The following OPRL1 variants were observed in gnomAD, a reference collection of about 807,000 sequenced individuals.
OPRL1 encodes opioid related nociceptin receptor 1, also known as nociceptin receptor.
A neutral mutation model predicts 15.5 loss-of-function variants in OPRL1; 5 were observed. That is an observed-to-expected ratio of 0.32 (90% CI 0.17 to 0.68). The LOEUF (loss-of-function observed/expected upper bound fraction) is 0.68. Among genes scored for constraint, OPRL1 ranks in the 30% least tolerant of loss-of-function variants. The probability of loss-of-function intolerance (pLI) is 0.72; values close to 1 mark genes in which losing one functional copy is unlikely to be tolerated. For missense variants in OPRL1, 406 were observed against 515.3 expected (o/e 0.79, Z 2.05); for synonymous variants, 223 against 230.2 (o/e 0.97, Z 0.28).
intron 1 of OPRL1, among the ~76,000 whole-genome samples, chr20:64,082,393 G>A (rs1301285061): frequency 1.3e-5 from 2 of 152,212 alleles, no homozygotes; most frequent in Non-Finnish European, 2.9e-5. Flanking sequence ...AAAGTGCTCG[G>A]TGCACGGGGA....
At position 64,083,769 on chromosome 20, in the gene OPRL1, C is replaced by T. The variant is rs955239986; in HGVS notation, c.-185+3417C>T. 2 of 1,334,254 alleles carry T rather than the reference C, an allele frequency of 1.5e-6. No individual in the cohort carries two copies. The highest frequency in any genetic ancestry group is 1.9e-6 in the Non-Finnish European group (2 of 1,048,342). 82.7% of individuals were successfully genotyped at this position (1,334,254 alleles called of 1,614,324 possible). Reference sequence around the variant, plus strand: ...CCCCGCCCCGCCCCGGCCGGCTCCGCTCAACGCTCCCGGTGCGCCCCCTCT... The same window carrying T: ...CCCCGCCCCGCCCCGGCCGGCTCCGTTCAACGCTCCCGGTGCGCCCCCTCT... On this transcript the variant is annotated intron_variant, in intron 1 of 4. Transcript: ENST00000336866. This position sits in a 1 kb window ranked among gnomAD's most constrained non-coding sequence, Gnocchi z 4.9.
intron 2 of OPRL1, among the ~76,000 whole-genome samples, 170 bp from the exon 3 acceptor site, chr20:64,092,518 C>T (rs1052549102): frequency 1.3e-5 from 2 of 152,172 alleles, no homozygotes; most frequent in Non-Finnish European, 2.9e-5. Context: ...TGTGTCCCTG[C>T]ATGTGCATGT....
intron 1 of OPRL1, among the ~76,000 whole-genome samples, chr20:64,081,097 T>G (rs2059961921): frequency 1.6e-5 from 1 of 63,342 alleles, no homozygotes. Context: ...GGGGGAGGGC[T>G]GAGGAGGGGA....
At chr20:64,087,714 CAT>C (rs1043042258) in intron 1 of OPRL1, among the ~76,000 whole-genome samples, 5 of 152,276 alleles carry the variant, frequency 3.3e-5, no homozygotes, top group African/African-American at 4.8e-5. Flanking sequence ...CTGCCCAGAA[CAT>C]GTGTGTTTGA....
intron 1 of OPRL1, chr20:64,085,128 G>C (rs1176770983): frequency 6.6e-6 from 1 of 152,316 alleles, no homozygotes; most frequent in Non-Finnish European, 1.5e-5. Flanking sequence ...TAGAGGCATA[G>C]AGCCGGCTTC....
intron 3 of OPRL1, among the ~76,000 whole-genome samples, chr20:64,093,412 C>A (rs573061304): frequency 1.5e-4 from 21 of 136,042 alleles, no homozygotes; most frequent in African/African-American, 5.5e-4. Flanking sequence ...TGGCTGAGCC[C>A]ATGATCTGTT....
At chr20:64,087,613 C>G (rs577019430) in intron 1 of OPRL1, among the ~76,000 whole-genome samples, 4 of 139,660 alleles carry the variant, frequency 2.9e-5, no homozygotes, top group African/African-American at 1.1e-4. Context: ...TGGGCTATCC[C>G]TAGTATCCTC....
Position 64,081,510 on chromosome 20 carries a change from T to C in OPRL1, c.-185+1158T>C, listed in dbSNP as rs1298182918. Among the ~76,000 whole-genome samples the C allele has an allele frequency of 2.0e-5, 3 of 152,196 alleles. No homozygotes were observed. The East Asian group carries it at 5.8e-4, about 29-fold the overall frequency. On this transcript the variant is annotated intron_variant, in intron 1 of 4. Transcript: ENST00000336866. Reference sequence around the variant, plus strand: ...CTCGGGTCACTCTACAACCCCCCAGTCATTCCCCCGTCTCCTCTGGCCCCT... The same window carrying C: ...CTCGGGTCACTCTACAACCCCCCAGCCATTCCCCCGTCTCCTCTGGCCCCT...
chr20:64,096,310 A>G (rs1380279414), intron 3 of OPRL1, among the ~76,000 whole-genome samples: 1 of 152,078 alleles, frequency 6.6e-6, no homozygotes, highest in Non-Finnish European at 1.5e-5. Context: ...CGCATGCAGC[A>G]TGTTTCCAGC....
At chr20:64,093,508 TGGGGGGCGGTGTGTGGGCAGTGGGTGG>T (rs1978456735) in intron 3 of OPRL1, among the ~76,000 whole-genome samples, 1 of 2,670 alleles carries the variant, frequency 3.7e-4, no homozygotes, top group East Asian at 6.0e-3. Context: ...GGGCAGTGTG[TGGGGGGCGGTGTGTGGGCAGTGGGTGG>T]GGGTCAGTGT....
intron 1 of OPRL1, among the ~76,000 whole-genome samples, chr20:64,081,117 G>A (rs1226777873): frequency 1.3e-5 from 2 of 150,512 alleles, no homozygotes; most frequent in Non-Finnish European, 3.0e-5. Context: ...AGGGTATTGC[G>A]CTGCTGAGCG....
rs1265367802 is a variant in OPRL1 at position 64,083,509 on chromosome 20, G to T, written c.-185+3157G>T. The T allele has an allele frequency of 6.3e-7, 1 of 1,582,946 alleles. No homozygotes were observed. The highest frequency in any genetic ancestry group is 2.3e-5 in the East Asian group (1 of 42,838). On this transcript the variant is annotated intron_variant, in intron 1 of 4. Coordinates refer to ENST00000336866, the MANE Select transcript of OPRL1 (RefSeq NM_182647.4). The surrounding 1 kb of genome is among the most constrained non-coding windows in gnomAD (Gnocchi z 4.9). Reference sequence around the variant, plus strand: ...ACGCGCCTCCGCTGCCGGGGAGAGAGGCTGGGGTCCGGCGTGTGCGGAGGC... The same window carrying T: ...ACGCGCCTCCGCTGCCGGGGAGAGATGCTGGGGTCCGGCGTGTGCGGAGGC...
chr20:64,090,101 C>A lies in OPRL1; in HGVS notation c.-184-1865C>A, dbSNP rs558899159. Among the ~76,000 whole-genome samples the A allele has an allele frequency of 1.3e-5, 2 of 152,332 alleles. No individual in the cohort carries two copies. Among genetic ancestry groups the A allele is most frequent in the African/African-American group, 2.4e-5 (1 of 41,582 alleles). On this transcript the variant is annotated intron_variant, in intron 1 of 4. Transcript: ENST00000336866. The surrounding 1 kb of genome is among the most constrained non-coding windows in gnomAD (Gnocchi z 4.9). Reference sequence around the variant, plus strand: ...GGTGTCCATGCACACTCTAGGTCTACCCATGTGCCTGCGTGCACGTTGGCG... The same window carrying A: ...GGTGTCCATGCACACTCTAGGTCTAACCATGTGCCTGCGTGCACGTTGGCG...
At chr20:64,086,457 T>G (rs1035676155) in intron 1 of OPRL1, 1 of 195,180 alleles carries the variant, frequency 5.1e-6, no homozygotes, top group Non-Finnish European at 1.2e-5. Flanking sequence ...GTCCAGCAAC[T>G]GTGAGGGACC....
In OPRL1 at chr20:64,095,378, C is replaced by T. The variant is rs377675415; in HGVS notation, c.234-2424C>T. Among the ~76,000 whole-genome samples the T allele has an allele frequency of 6.7e-3, 628 of 93,380 alleles. 9 individuals are homozygous for T. In the South Asian group the frequency reaches 0.067, roughly 10 times the overall value. The allele number at this position is 93,380 out of a possible 152,430, so 61.3% of individuals were successfully genotyped here. On this transcript the variant is annotated intron_variant, in intron 3 of 4. Transcript: ENST00000336866. ...AGCCGGGGGATAGCATTGGGGACAG[C>T]ATGGGCACAGCATGGGGGGCAGCGT...
intron 1 of OPRL1, among the ~76,000 whole-genome samples, chr20:64,082,392 G>A (rs1030459681): frequency 5.3e-5 from 8 of 152,196 alleles, no homozygotes; most frequent in Admixed American, 6.5e-5. Context: ...TAAAGTGCTC[G>A]GTGCACGGGG....
chr20:64,092,641 G>T, intron 2 of OPRL1, 47 bp from the exon 3 acceptor site: 2 of 1,461,696 alleles, frequency 1.4e-6, no homozygotes, highest in Non-Finnish European at 1.9e-6. Context: ...GCCTCCGCTG[G>T]GCGTGTGTCT....
rs140038092 is a variant in OPRL1 at position 64,098,361 on chromosome 20, C to G, written c.675C>G (p.Ile225Met). ...FAICIFLFSF[I>M]VPVLVISVCY... ...TCTGCATCTTCCTCTTCTCCTTCATCGTCCCCGTGCTCGTCATCTCTGTCT... is the reference window on the plus strand; with the variant it reads ...TCTGCATCTTCCTCTTCTCCTTCATGGTCCCCGTGCTCGTCATCTCTGTCT... The change falls in exon 5 of 5, where the codon ATC (isoleucine) becomes ATG (methionine). Residue 225 changes from isoleucine (I) to methionine (M), a missense_variant. By Grantham distance (10) the Ile-to-Met change is conservative. Coordinates refer to ENST00000336866, the MANE Select transcript of OPRL1 (RefSeq NM_182647.4). 2 of 1,613,932 alleles carry G rather than the reference C, an allele frequency of 1.2e-6. No homozygotes were observed. The highest frequency in any genetic ancestry group is 1.3e-5 in the African/African-American group (1 of 75,050).
chr20:64,088,738 T>TGCAGGGAGGCC (rs1569271930), intron 1 of OPRL1, among the ~76,000 whole-genome samples: 2 of 8,682 alleles, frequency 2.3e-4, no homozygotes, highest in East Asian at 3.5e-3. Flanking sequence ...GTGCAAGGGG[T>TGCAGGGAGGCC]AGGATCTGTG....
Sources: gnomAD v4.1 joint callset for allele counts (sites outside exome capture counted in the v4.1 genomes callset) on GRCh38, gnomAD v4.1.1 for gene constraint, Gnocchi (gnomAD v3.1) non-coding constraint, MANE v1.5 for transcripts, NCBI Gene and HGNC (gene_info 2026-07-23, HGNC 2026-07-21) for gene names.